The following CMKLR1 variants were observed in gnomAD, a reference collection of about 807,000 sequenced individuals.
CMKLR1 encodes the protein chemerin chemokine-like receptor 1, also known as chemerin-like receptor 1.
A neutral mutation model predicts 8.2 loss-of-function variants in CMKLR1; 6 were observed. The observed-to-expected ratio is 0.73, with a 90% confidence interval of 0.40 to 1.44. The LOEUF is 1.44. Ranked by LOEUF, CMKLR1 falls within the 40% of genes most tolerant of loss-of-function variation. The pLI is 0.02. For synonymous variants in CMKLR1, 178 were observed against 181.2 expected (o/e 0.98, Z 0.14); for missense variants, 429 against 478.0 (o/e 0.90, Z 0.96).
chr12:108,307,847 CT>C (rs1891448687), intron 2 of CMKLR1, among the ~76,000 whole-genome samples: 1 of 152,304 alleles, frequency 6.6e-6, no homozygotes, highest in East Asian at 1.9e-4. Context: ...CTCCAAGTCT[CT>C]TTTTCCACTT....
intron 2 of CMKLR1, among the ~76,000 whole-genome samples, chr12:108,310,741 C>A (rs528855998): frequency 1.3e-5 from 2 of 152,156 alleles, no homozygotes; most frequent in African/African-American, 2.4e-5. Flanking sequence ...GAGCCATCTT[C>A]CCCCGGAGTC....
chr12:108,301,664 C>T (rs80174194), intron 2 of CMKLR1, among the ~76,000 whole-genome samples: 5,450 of 152,344 alleles, frequency 0.036, 108 homozygotes, highest in Middle Eastern at 0.051. Flanking sequence ...TCGTCACAGA[C>T]TTTTTCCAAA....
intron 2 of CMKLR1, among the ~76,000 whole-genome samples, chr12:108,322,229 G>A (rs1368999673): frequency 2.0e-5 from 3 of 152,126 alleles, no homozygotes; most frequent in African/African-American, 4.8e-5. Context: ...TCCTGCTGGA[G>A]CTCAGGAGAA....
chr12:108,336,032 A>G lies in CMKLR1; in HGVS notation c.-287+2995T>C, dbSNP rs376944235. Reference sequence around the variant, plus strand: ...GGAACATGTGGATTCACAGAAGTACATGAATATTTGCTTAGAAGGGAAAAA... The same window carrying G: ...GGAACATGTGGATTCACAGAAGTACGTGAATATTTGCTTAGAAGGGAAAAA... On this transcript the variant is annotated intron_variant, in intron 1 of 3. Coordinates refer to ENST00000550402, the MANE Select transcript of CMKLR1 (RefSeq NM_001142343.2). 1.6e-4 allele frequency among the ~76,000 whole-genome samples: 24 copies of G among 152,344 alleles called. No homozygotes were observed. The East Asian group carries it at 2.9e-3, about 18-fold the overall frequency.
In CMKLR1 at chr12:108,291,486, G is replaced by A. The variant is rs1890962590; in HGVS notation, c.*355C>T. The A allele has an allele frequency of 7.9e-6, 2 of 252,658 alleles. No individual in the cohort carries two copies. Among genetic ancestry groups the A allele is most frequent in the Non-Finnish European group, 1.5e-5 (2 of 131,286 alleles). 15.7% of individuals were successfully genotyped at this position (252,658 alleles called of 1,614,324 possible). On this transcript the variant is annotated 3_prime_UTR_variant, in exon 4 of 4. Transcript: ENST00000550402. The stretch of plus-strand genomic sequence containing the variant: ...CTGCTCACACCAGGAATGGACCTTG[G>A]AGAGTGTCATTTCTGGGGCACACAC...
chr12:108,293,160 C>T (rs1225090275), intron 3 of CMKLR1, among the ~76,000 whole-genome samples: 9 of 152,194 alleles, frequency 5.9e-5, no homozygotes, highest in Non-Finnish European at 1.2e-4. Flanking sequence ...TTGCATTCTA[C>T]ACTCTCTTAA....
chr12:108,307,246 G>A (rs1354169720), intron 2 of CMKLR1, among the ~76,000 whole-genome samples: 5 of 152,178 alleles, frequency 3.3e-5, no homozygotes, highest in Non-Finnish European at 5.9e-5. Context: ...AGGCAGCTGG[G>A]GTGAGTGACT....
At chr12:108,296,042 C>T (rs191641524) in intron 2 of CMKLR1, among the ~76,000 whole-genome samples, 18 of 152,306 alleles carry the variant, frequency 1.2e-4, no homozygotes, top group Admixed American at 2.6e-4. Flanking sequence ...CACCCCAAGA[C>T]GCCTCTCTCT....
chr12:108,302,386 G>T (rs144777303), intron 2 of CMKLR1, among the ~76,000 whole-genome samples: 6 of 152,206 alleles, frequency 3.9e-5, no homozygotes. Context: ...CATGTGCATC[G>T]TTTTTGGATA....
intron 2 of CMKLR1, among the ~76,000 whole-genome samples, chr12:108,298,677 T>C (rs1166753229): frequency 2.0e-5 from 3 of 152,162 alleles, no homozygotes; most frequent in Non-Finnish European, 4.4e-5. Flanking sequence ...ACATCATTCA[T>C]CACAGCCCAT....
chr12:108,304,785 C>T (rs982885978), intron 2 of CMKLR1, among the ~76,000 whole-genome samples: 24 of 152,258 alleles, frequency 1.6e-4, no homozygotes, highest in Admixed American at 2.6e-4. Context: ...CTCACCTGTG[C>T]GCCTAGCCAG....
intron 2 of CMKLR1, among the ~76,000 whole-genome samples, chr12:108,322,873 G>C (rs529164513): frequency 6.6e-6 from 1 of 152,304 alleles, no homozygotes; most frequent in African/African-American, 2.4e-5. Flanking sequence ...AATGGACTAA[G>C]ACACATGGTA....
chr12:108,305,451 G>C (rs141785431), intron 2 of CMKLR1, among the ~76,000 whole-genome samples: 7 of 152,302 alleles, frequency 4.6e-5, no homozygotes, highest in African/African-American at 1.7e-4. Flanking sequence ...TCTCTCCTGA[G>C]CAGCATACCA....
At chr12:108,338,241 A>G (rs1892277118) in intron 1 of CMKLR1, among the ~76,000 whole-genome samples, 1 of 152,228 alleles carries the variant, frequency 6.6e-6, no homozygotes, top group Non-Finnish European at 1.5e-5. Flanking sequence ...TGTGTCCTTT[A>G]TATACAAAGA....
chr12:108,335,443 T>C (rs1440010443), intron 1 of CMKLR1, among the ~76,000 whole-genome samples: 1 of 152,082 alleles, frequency 6.6e-6, no homozygotes, highest in Non-Finnish European at 1.5e-5. Flanking sequence ...ACCAGATGAG[T>C]CACTGAAGTA....
chr12:108,320,435 C>G (rs67888384), intron 2 of CMKLR1: 21,780 of 152,118 alleles, frequency 0.14, 3,181 homozygotes, highest in African/African-American at 0.34. Context: ...TCCAGGGATC[C>G]GGGACTCAGA....
intron 2 of CMKLR1, among the ~76,000 whole-genome samples, chr12:108,304,714 A>T (rs1891362403): frequency 6.6e-6 from 1 of 151,432 alleles, no homozygotes; most frequent in Non-Finnish European, 1.5e-5. Context: ...CCTCCTGCAC[A>T]CCGGTCACGG....
intron 2 of CMKLR1, among the ~76,000 whole-genome samples, chr12:108,309,170 A>G (rs1223635452): frequency 6.6e-6 from 1 of 152,224 alleles, no homozygotes; most frequent in African/African-American, 2.4e-5. Context: ...ATGTTTTAGA[A>G]GCATGCCTGG....
chr12:108,293,690 A>AAG, intron 2 of CMKLR1, 26 bp from the exon 3 acceptor site: 1 of 1,182,232 alleles, frequency 8.5e-7, no homozygotes, highest in Non-Finnish European at 1.2e-6. Flanking sequence ...AAAAAAAAAA[A>AAG]GCAGCAATTG....
Sources: gnomAD v4.1 joint callset for allele counts (sites outside exome capture counted in the v4.1 genomes callset) on GRCh38, gnomAD v4.1.1 for gene constraint, MANE v1.5 for transcripts, NCBI Gene and HGNC (gene_info 2026-07-23, HGNC 2026-07-21) for gene names.